The following PPP1R3B variants were observed in gnomAD, a reference collection of about 807,000 sequenced individuals.
PPP1R3B encodes protein phosphatase 1 regulatory subunit 3B, also known as PP1 subunit R4.
In PPP1R3B, 8 loss-of-function variants were observed where a neutral mutation model predicts 14.6. That is an observed-to-expected ratio of 0.55 (90% CI 0.32 to 0.99). The LOEUF (loss-of-function observed/expected upper bound fraction) is 0.99, where lower values mean the gene tolerates loss of function less well. PPP1R3B is among the 50% of genes least tolerant of loss of function. The pLI is 0.04. For synonymous variants in PPP1R3B, 169 were observed against 142.0 expected (o/e 1.19, Z -1.35); for missense variants, 452 against 360.1 (o/e 1.26, Z -2.07).
Position 9,140,845 on chromosome 8 carries a change from A to G in PPP1R3B, c.807T>C (p.Phe269=), listed in dbSNP as rs909021375. ...ATCCTAAGTAACTTGGCCACTCTGGAAACAGACCATAGGAACACCGAGGGC... is the reference window on the plus strand; with the variant it reads ...ATCCTAAGTAACTTGGCCACTCTGGGAACAGACCATAGGAACACCGAGGGC... The part of the protein sequence containing the change: ...FGSPRCSYGL[F]PEWPSYLGYE... Residue 269 remains phenylalanine (F), a synonymous_variant, in exon 2 of 2, where the codon TTT becomes TTC. Coordinates refer to ENST00000310455, the MANE Select transcript of PPP1R3B (RefSeq NM_024607.4). 2 of 1,614,026 alleles carry G rather than the reference A, an allele frequency of 1.2e-6. No homozygotes were observed. The highest frequency in any genetic ancestry group is 1.7e-6 in the Non-Finnish European group (2 of 1,180,044).
intron 1 of PPP1R3B, among the ~76,000 whole-genome samples, chr8:9,142,125 T>C (rs537438039): frequency 2.6e-5 from 4 of 152,308 alleles, no homozygotes; most frequent in Non-Finnish European, 5.9e-5. Context: ...AGAGATAGGG[T>C]GTTGCTCTGT....
rs1800999283 is a variant in PPP1R3B, at chr8:9,139,542, C to T, written c.*1252G>A. 1 of 151,678 alleles carries T rather than the reference C, an allele frequency of 6.6e-6. No homozygotes were observed. The highest frequency in any genetic ancestry group is 1.5e-5 in the Non-Finnish European group (1 of 67,962). The allele number at this position is 151,678 out of a possible 1,614,324, so 9.4% of individuals were successfully genotyped here. Reference sequence around the variant, plus strand: ...AGATGACTCTTTGGGAAAGGAGATTCAAAATTCTCTTTTTTTTTCTGTTTG... The same window carrying T: ...AGATGACTCTTTGGGAAAGGAGATTTAAAATTCTCTTTTTTTTTCTGTTTG... On this transcript the variant is annotated 3_prime_UTR_variant, in exon 2 of 2. Coordinates refer to ENST00000310455, the MANE Select transcript of PPP1R3B (RefSeq NM_024607.4).
intron 1 of PPP1R3B, among the ~76,000 whole-genome samples, chr8:9,142,678 C>A (rs1343417324): frequency 2.0e-5 from 3 of 152,106 alleles, no homozygotes; most frequent in Non-Finnish European, 4.4e-5. Flanking sequence ...AGTCCCTCTA[C>A]CCTCACTTTC....
At chr8:9,143,872 T>C (rs1210501940) in intron 1 of PPP1R3B, among the ~76,000 whole-genome samples, 1 of 152,088 alleles carries the variant, frequency 6.6e-6, no homozygotes, top group Admixed American at 6.5e-5. Flanking sequence ...ATATTTTCTT[T>C]AAGTAAAAAC....
chr8:9,140,516 A>G lies in PPP1R3B; in HGVS notation c.*278T>C, dbSNP rs990585659. 2.5e-5 allele frequency: 12 copies of G among 485,740 alleles called. No individual in the cohort carries two copies. Among genetic ancestry groups the G allele is most frequent in the Admixed American group, 6.6e-5 (2 of 30,406 alleles). 30.1% of individuals were successfully genotyped at this position (485,740 alleles called of 1,614,324 possible). A position where few individuals can be genotyped will look rare whatever the true frequency, so the allele number is the denominator to read the frequency against. On this transcript the variant is annotated 3_prime_UTR_variant, in exon 2 of 2. Coordinates refer to ENST00000310455, the MANE Select transcript of PPP1R3B (RefSeq NM_024607.4). ...ACTGGCATAGGCTTGATTCCCATCC[A>G]TACCCTTTCCAGCACAGACGTGCAC...
At position 9,140,911 on chromosome 8, in the gene PPP1R3B, G is replaced by A. The variant is rs190026445; in HGVS notation, c.741C>T (p.His247=). The A allele has an allele frequency of 1.9e-5, 30 of 1,614,104 alleles. No individual in the cohort carries two copies. The highest frequency in any genetic ancestry group is 2.2e-5 in the East Asian group (1 of 44,898). ...LKSTQGMTKP[H]SGPDLGISFD... ...AGGATATTCCCAAATCCGGTCCACT[G>A]TGGGGCTTGGTCATTCCCTGGGTAG... The change falls in exon 2 of 2, where the codon CAC becomes CAT. Residue 247 remains histidine (H), a synonymous_variant. Transcript: ENST00000310455.
In PPP1R3B at chr8:9,140,858, G is replaced by C; in HGVS notation, c.794C>G (p.Ser265Cys). The change falls in exon 2 of 2, where the codon TCC becomes TGC. Residue 265 changes from serine to cysteine, a missense_variant. Ser to Cys is a moderately radical substitution (Grantham distance 112). Transcript: ENST00000310455. Reference sequence around the variant, plus strand: ...TGGCCACTCTGGAAACAGACCATAGGAACACCGAGGGCTTCCGAACTGGTC... The same window carrying C: ...TGGCCACTCTGGAAACAGACCATAGCAACACCGAGGGCTTCCGAACTGGTC... ...SFDQFGSPRCSYGLFPEWPSY... is the reference protein window; with the variant it reads ...SFDQFGSPRCCYGLFPEWPSY... The C allele has an allele frequency of 6.2e-7, 1 of 1,614,104 alleles. No homozygotes were observed. Among genetic ancestry groups the C allele is most frequent in the East Asian group, 2.2e-5 (1 of 44,866 alleles).
intron 1 of PPP1R3B, among the ~76,000 whole-genome samples, chr8:9,149,208 A>AAAAAAAT (rs1280289297): frequency 5.3e-4 from 72 of 136,632 alleles, no homozygotes; most frequent in African/African-American, 1.9e-3. Context: ...AAAAAAAAAA[A>AAAAAAAT]GGCAAAAAAA....
At chr8:9,145,931 G>A (rs1437629466) in intron 1 of PPP1R3B, among the ~76,000 whole-genome samples, 2 of 151,920 alleles carry the variant, frequency 1.3e-5, no homozygotes, top group Non-Finnish European at 2.9e-5. Context: ...GTGCAGTGGT[G>A]CAATCATAGC....
rs1023235211 is a variant in PPP1R3B, at chr8:9,139,548, T to A, written c.*1246A>T. On this transcript the variant is annotated 3_prime_UTR_variant, in exon 2 of 2. Transcript: ENST00000310455. ...CTCTTTGGGAAAGGAGATTCAAAAT[T>A]CTCTTTTTTTTTCTGTTTGAGACGG... The A allele has an allele frequency of 6.6e-6, 1 of 151,344 alleles. No individual in the cohort carries two copies. The highest frequency in any genetic ancestry group is 1.5e-5 in the Non-Finnish European group (1 of 67,940). 9.4% of individuals were successfully genotyped at this position (151,344 alleles called of 1,614,324 possible).
At chr8:9,144,418 T>A (rs981839562) in intron 1 of PPP1R3B, among the ~76,000 whole-genome samples, 1 of 152,162 alleles carries the variant, frequency 6.6e-6, no homozygotes, top group African/African-American at 2.4e-5. Context: ...AGTCTTGAAT[T>A]CCTGGACTCA....
intron 1 of PPP1R3B, among the ~76,000 whole-genome samples, chr8:9,150,280 C>T (rs2128974591): frequency 6.6e-6 from 1 of 152,320 alleles, no homozygotes; most frequent in African/African-American, 2.4e-5. Context: ...TTCCCAAGTC[C>T]AGTCTTTCCT....
At chr8:9,143,673 G>T (rs1801155638) in intron 1 of PPP1R3B, among the ~76,000 whole-genome samples, 1 of 152,090 alleles carries the variant, frequency 6.6e-6, no homozygotes, top group Non-Finnish European at 1.5e-5. Flanking sequence ...TCCAGCCTGG[G>T]CCACAGAGCA....
Position 9,141,569 on chromosome 8 carries a change from G to A in PPP1R3B, c.83C>T (p.Pro28Leu), listed in dbSNP as rs146186789. The A allele has an allele frequency of 1.2e-6, 2 of 1,614,136 alleles. No individual in the cohort carries two copies. The highest frequency in any genetic ancestry group is 2.2e-5 in the South Asian group (2 of 91,078). The change falls in exon 2 of 2, where the codon CCA (proline) becomes CTA (leucine). Residue 28 changes from proline (P) to leucine (L), a missense_variant. Coordinates refer to ENST00000310455, the MANE Select transcript of PPP1R3B (RefSeq NM_024607.4). ...AGGCCTCAGTGGTTTGCTGGGCTTT[G>A]GTGAGATCTTAAAGGCAAACCTCTC... Reference protein sequence around the residue: ...RQERFAFKISPKPSKPLRPCI... With the variant: ...RQERFAFKISLKPSKPLRPCI...
chr8:9,136,824 A>G lies in PPP1R3B; in HGVS notation c.*3970T>C, dbSNP rs1263424233. 1 of 152,232 alleles carries G rather than the reference A, an allele frequency of 6.6e-6. No individual in the cohort carries two copies. 9.4% of individuals were successfully genotyped at this position (152,232 alleles called of 1,614,324 possible). On this transcript the variant is annotated 3_prime_UTR_variant, in exon 2 of 2. Coordinates refer to ENST00000310455, the MANE Select transcript of PPP1R3B (RefSeq NM_024607.4). ...GTGAGAAATTTTAGAAGAGGAAACA[A>G]ATAAAAGGCAACCAAGGTTTTCATC...
In PPP1R3B at chr8:9,137,185, G is replaced by T. The variant is rs754918467; in HGVS notation, c.*3609C>A. ...CCAGTAGAATAATTTTTTAAATAAA[G>T]AAACCCACTCAAATGCTTCATGTCT... On this transcript the variant is annotated 3_prime_UTR_variant, in exon 2 of 2. Transcript: ENST00000310455. 5.3e-5 allele frequency: 8 copies of T among 151,854 alleles called. No individual in the cohort carries two copies. Among genetic ancestry groups the T allele is most frequent in the Non-Finnish European group, 1.0e-4 (7 of 68,018 alleles). The allele number at this position is 151,854 out of a possible 1,614,324, so 9.4% of individuals were successfully genotyped here. A position where few individuals can be genotyped will look rare whatever the true frequency, so the allele number is the denominator to read the frequency against.
In PPP1R3B at chr8:9,141,389, A is replaced by G; in HGVS notation, c.263T>C (p.Met88Thr). Residue 88 changes from methionine (M) to threonine (T), a missense_variant, in exon 2 of 2, where the codon ATG (methionine) becomes ACG (threonine). By Grantham distance (81) the Met-to-Thr change is moderately conservative. Coordinates refer to ENST00000310455, the MANE Select transcript of PPP1R3B (RefSeq NM_024607.4). ...TAGGAGCTCGGTGATGTTGAATGGC[A>G]TATCTAGCGGGTCATCGAATTCCGA... ...VFSEFDDPLDMPFNITELLDN... is the reference protein window; with the variant it reads ...VFSEFDDPLDTPFNITELLDN... 3 of 1,614,176 alleles carry G rather than the reference A, an allele frequency of 1.9e-6. No homozygotes were observed. The highest frequency in any genetic ancestry group is 1.1e-5 in the South Asian group (1 of 91,074).
At chr8:9,142,992 A>G (rs1471718934) in intron 1 of PPP1R3B, among the ~76,000 whole-genome samples, 1 of 152,218 alleles carries the variant, frequency 6.6e-6, no homozygotes, top group Non-Finnish European at 1.5e-5. Context: ...ACTCTCCGAT[A>G]CACTGACTTC....
rs538249702 is a variant in PPP1R3B at position 9,141,080 on chromosome 8, G to A, written c.572C>T (p.Thr191Met). ...KDTYAGSDRD[T>M]FSFDISLPEK... ...GGGCAAGCTGATGTCGAAGGAGAAC[G>A]TGTCCCTGTCTGAACCGGCATAAGT... is the stretch of plus-strand genomic sequence containing the variant. Residue 191 changes from threonine (T) to methionine (M), a missense_variant, in exon 2 of 2, where the codon ACG (threonine) becomes ATG (methionine). Thr to Met is a moderately conservative substitution (Grantham distance 81). Coordinates refer to ENST00000310455, the MANE Select transcript of PPP1R3B (RefSeq NM_024607.4). The A allele has an allele frequency of 1.1e-4, 185 of 1,614,148 alleles. 1 individual carries two copies. The South Asian group carries it at 1.8e-3, about 16-fold the overall frequency.
Sources: gnomAD v4.1 joint callset for allele counts (sites outside exome capture counted in the v4.1 genomes callset) on GRCh38, gnomAD v4.1.1 for gene constraint, MANE v1.5 for transcripts, NCBI Gene and HGNC (gene_info 2026-07-23, HGNC 2026-07-21) for gene names.